Variants in ERAP1 observed in about 807,000 individuals in gnomAD.
ERAP1 encodes adipocyte-derived leucine aminopeptidase.
A neutral mutation model predicts 103.7 loss-of-function variants in ERAP1; 86 were observed. That is an observed-to-expected ratio of 0.83 (90% confidence interval 0.70 to 0.99). The LOEUF (loss-of-function observed/expected upper bound fraction) is 0.99. Ranked by LOEUF, ERAP1 falls within the 50% of genes least tolerant of loss-of-function variation. The probability of loss-of-function intolerance (pLI) is 0.00; values close to 1 mark genes in which losing one functional copy is unlikely to be tolerated. For synonymous variants in ERAP1, 398 were observed against 402.4 expected, an observed-to-expected ratio of 0.99 and a Z score of 0.13; for missense variants, 1,009 against 1,128.4, an observed-to-expected ratio of 0.89 and a Z score of 1.52.
chr5:96,929,372 C>T, the ERAP1 span, among the ~76,000 whole-genome samples: 1 of 152,184 alleles, frequency 6.6e-6, no homozygotes, highest in Non-Finnish European at 1.5e-5. Flanking sequence ...TAAACTAATA[C>T]ACATGCCCAA....
the ERAP1 span, among the ~76,000 whole-genome samples, chr5:96,887,075 A>G: frequency 0.54 from 71,484 of 131,726 alleles, 17,831 homozygotes; most frequent in South Asian, 0.61. Context: ...TTTTCAAAGT[A>G]TATATATATA....
At chr5:96,914,429 C>T in the ERAP1 span, among the ~76,000 whole-genome samples, 2 of 152,168 alleles carry the variant, frequency 1.3e-5, no homozygotes, top group Non-Finnish European at 2.9e-5. Flanking sequence ...AGTTGACGTC[C>T]ACATGAGACC....
At chr5:96,769,747 C>T (rs372317975), downstream of ERAP1, 1 of 151,642 alleles carries the variant, frequency 6.6e-6, no homozygotes, top group African/African-American at 2.4e-5. Context: ...TCCTCCTGTT[C>T]CCTACCATGG....
In ERAP1 at chr5:96,797,226, G is replaced by A. The variant is rs138975720; in HGVS notation, c.747C>T (p.Phe249=). 6.2e-6 allele frequency: 10 copies of A among 1,614,144 alleles called. No individual in the cohort carries two copies. The highest frequency in any genetic ancestry group is 8.5e-6 in the Non-Finnish European group (10 of 1,180,028). The change falls in exon 4 of 19, where the codon TTC becomes TTT. Residue 249 remains phenylalanine (F), a synonymous_variant. Coordinates refer to ENST00000443439, the MANE Select transcript of ERAP1 (RefSeq NM_001040458.3). ...TVKMSTYLVA[F]IISDFESVSK... Reference sequence around the variant, plus strand: ...TGACAGACTCAAAATCTGAAATGATGAAGGCCACCAGATAGGTGCTCATCT... The same window carrying A: ...TGACAGACTCAAAATCTGAAATGATAAAGGCCACCAGATAGGTGCTCATCT...
chr5:96,889,208 C>A, the ERAP1 span: 1 of 1,614,170 alleles, frequency 6.2e-7, no homozygotes, highest in Non-Finnish European at 8.5e-7. Flanking sequence ...CATCCCCAGA[C>A]AAACGGAATC....
chr5:96,900,227 T>G, the ERAP1 span: 1 of 1,612,054 alleles, frequency 6.2e-7, no homozygotes, highest in East Asian at 2.2e-5. Flanking sequence ...AAGAGATCTG[T>G]GGAATAGCCT....
At chr5:96,806,636 T>C (rs1296176952) in intron 1 of ERAP1, among the ~76,000 whole-genome samples, 6 of 149,712 alleles carry the variant, frequency 4.0e-5, no homozygotes, top group South Asian at 4.3e-4. Flanking sequence ...TTTTTTTTTT[T>C]TTTTTTTTTT....
At chr5:96,868,162 T>C in the ERAP1 span, among the ~76,000 whole-genome samples, 1 of 152,134 alleles carries the variant, frequency 6.6e-6, no homozygotes, top group African/African-American at 2.4e-5. Flanking sequence ...TGGAAAGAAA[T>C]GTATACAATC....
intron 3 of ERAP1, among the ~76,000 whole-genome samples, chr5:96,799,372 A>G (rs1316833198): frequency 6.6e-6 from 1 of 151,960 alleles, no homozygotes; most frequent in African/African-American, 2.4e-5. Context: ...AGGTCAGGCT[A>G]CTCGTATTAG....
chr5:96,892,468 T>C, the ERAP1 span: 2 of 1,613,476 alleles, frequency 1.2e-6, no homozygotes, highest in South Asian at 1.1e-5. Flanking sequence ...TTGGCACTCA[T>C]GACATTATCT....
chr5:96,861,419 A>G, the ERAP1 span, among the ~76,000 whole-genome samples: 7 of 152,220 alleles, frequency 4.6e-5, no homozygotes, highest in Non-Finnish European at 7.4e-5. Flanking sequence ...AATGCAGATT[A>G]GGTAAAAATC....
At chr5:96,859,048 C>T in the ERAP1 span, among the ~76,000 whole-genome samples, 3 of 132,770 alleles carry the variant, frequency 2.3e-5, no homozygotes, top group African/African-American at 8.8e-5. Flanking sequence ...GACCAAGGCC[C>T]TGCCACATGC....
intron 5 of ERAP1, among the ~76,000 whole-genome samples, chr5:96,794,501 C>G (rs1777128489): frequency 6.6e-6 from 1 of 152,058 alleles, no homozygotes; most frequent in South Asian, 2.1e-4. Context: ...TTTCAGGCCT[C>G]TTGACTCCAT....
the ERAP1 span, among the ~76,000 whole-genome samples, chr5:96,920,482 G>C: frequency 6.6e-6 from 1 of 152,158 alleles, no homozygotes; most frequent in African/African-American, 2.4e-5. Flanking sequence ...AGTTCCAGGG[G>C]TTTTTGGTCT....
chr5:96,831,390 G>C, the ERAP1 span, among the ~76,000 whole-genome samples: 1 of 152,194 alleles, frequency 6.6e-6, no homozygotes, highest in Non-Finnish European at 1.5e-5. Context: ...ATGAGAGTTG[G>C]TGGGGATGCA....
chr5:96,904,051 A>C, the ERAP1 span, among the ~76,000 whole-genome samples: 1 of 152,244 alleles, frequency 6.6e-6, no homozygotes, highest in Non-Finnish European at 1.5e-5. Flanking sequence ...TCTCTTAAGG[A>C]AAAGTACAAA....
At chr5:96,933,683 A>G in the ERAP1 span, among the ~76,000 whole-genome samples, 1 of 152,234 alleles carries the variant, frequency 6.6e-6, no homozygotes, top group Non-Finnish European at 1.5e-5. Flanking sequence ...GAGGTGATTT[A>G]ACAAGCTGCA....
At chr5:96,829,432 A>G in the ERAP1 span, among the ~76,000 whole-genome samples, 3 of 152,216 alleles carry the variant, frequency 2.0e-5, no homozygotes, top group African/African-American at 7.2e-5. Flanking sequence ...TCCCCATAGC[A>G]ACAAATGAAC....
the ERAP1 span, among the ~76,000 whole-genome samples, chr5:96,816,574 A>G: frequency 1.1e-4 from 16 of 152,322 alleles, no homozygotes; most frequent in African/African-American, 3.8e-4. Context: ...CTATAATGCC[A>G]TTAACATAAC....
Sources: allele counts gnomAD v4.1 joint callset (sites outside exome capture counted in the v4.1 genomes callset), GRCh38; gene constraint gnomAD v4.1.1; transcripts MANE v1.5; gene names NCBI Gene and HGNC (gene_info 2026-07-23, HGNC 2026-07-21).